The following LIMA1 variants were observed in gnomAD, a reference collection of about 807,000 sequenced individuals.
LIMA1 encodes LIM domain and actin-binding protein 1.
In LIMA1, 52 loss-of-function variants were observed where a neutral mutation model predicts 62.6. The observed-to-expected ratio is 0.83, with a 90% CI of 0.67 to 1.05. LIMA1 has a LOEUF of 1.05. Among genes scored for constraint, LIMA1 ranks in the 50% least tolerant of loss-of-function variants. The probability of loss-of-function intolerance (pLI) is 0.00; values close to 1 mark genes in which losing one functional copy is unlikely to be tolerated. For synonymous variants in LIMA1, 302 were observed against 317.8 expected, an observed-to-expected ratio of 0.95 and a Z score of 0.53; for missense variants, 780 against 902.2, an observed-to-expected ratio of 0.86 and a Z score of 1.74.
chr12:50,213,335 G>A (rs577740859), intron 4 of LIMA1, among the ~76,000 whole-genome samples: 8 of 152,322 alleles, frequency 5.3e-5, no homozygotes, highest in Non-Finnish European at 1.0e-4. Context: ...AGGGCCCATT[G>A]TTTCTATCCA....
rs1941119916 is a variant in LIMA1, at chr12:50,204,690, T to C, written c.726A>G (p.Ser242=). 2 of 1,614,138 alleles carry C rather than the reference T, an allele frequency of 1.2e-6. No individual in the cohort carries two copies. The highest frequency in any genetic ancestry group is 1.7e-6 in the Non-Finnish European group (2 of 1,180,004). Residue 242 remains serine, a synonymous_variant, in exon 6 of 11, where the codon TCA becomes TCG. Transcript: ENST00000341247. ...TTTTCTCCGAGTCAAATGTAGAAGA[T>C]GACAACTGACCTGGAAGCATCCAAA... ...DDLEIGPGQL[S]SSTFDSEKNE...
intron 1 of LIMA1, among the ~76,000 whole-genome samples, chr12:50,269,527 ACT>A (rs571405139): frequency 8.3e-4 from 127 of 152,314 alleles, no homozygotes; most frequent in African/African-American, 2.8e-3. Context: ...TATCTGAGAA[ACT>A]GATGGTTACT....
At chr12:50,252,442 G>A (rs569006818) in intron 1 of LIMA1, among the ~76,000 whole-genome samples, 11 of 152,120 alleles carry the variant, frequency 7.2e-5, no homozygotes, top group African/African-American at 1.9e-4. Context: ...TTAGCTGGGC[G>A]TGGTGGCACG....
intron 4 of LIMA1, among the ~76,000 whole-genome samples, chr12:50,208,856 C>T (rs1941201226): frequency 1.3e-5 from 2 of 151,832 alleles, no homozygotes; most frequent in Admixed American, 1.3e-4. Flanking sequence ...AAAAAGAATA[C>T]AGTGAGCCGT....
intron 1 of LIMA1, among the ~76,000 whole-genome samples, chr12:50,282,155 A>G (rs1254655238): frequency 1.3e-5 from 2 of 152,156 alleles, no homozygotes; most frequent in Non-Finnish European, 2.9e-5. Flanking sequence ...TTGAAGATCT[A>G]TCTAAAACGT....
intron 3 of LIMA1, among the ~76,000 whole-genome samples, chr12:50,228,211 A>C (rs114817755): frequency 0.01 from 1,595 of 152,208 alleles, 24 homozygotes; most frequent in African/African-American, 0.035. Context: ...AATTCTAAAC[A>C]GTCCCTTTGG....
At chr12:50,199,355 T>C (rs922931805) in intron 7 of LIMA1, among the ~76,000 whole-genome samples, 8 of 152,088 alleles carry the variant, frequency 5.3e-5, no homozygotes, top group Non-Finnish European at 1.2e-4. Context: ...ATCCCTGTAA[T>C]TCCTCAGCCA....
chr12:50,223,118 A>C lies in LIMA1; in HGVS notation c.166-633T>G, dbSNP rs1941475174. Among the ~76,000 whole-genome samples, 3 of 152,138 alleles carry C rather than the reference A, an allele frequency of 2.0e-5. No individual in the cohort carries two copies. The South Asian group carries it at 6.2e-4, about 31-fold the overall frequency. On this transcript the variant is annotated intron_variant, in intron 3 of 10. Transcript: ENST00000341247. ...AATTTACATGCATATGAGCAGTCAA[A>C]TTTTATTTTTCATAAGAATTTAATC...
intron 9 of LIMA1, among the ~76,000 whole-genome samples, chr12:50,183,830 A>AC (rs1436681431): frequency 2.0e-5 from 3 of 151,252 alleles, no homozygotes; most frequent in African/African-American, 7.3e-5. Flanking sequence ...AAAAAAAAAA[A>AC]AAAACCCAAA....
At chr12:50,193,992 TATATA>T (rs772482812) in intron 8 of LIMA1, among the ~76,000 whole-genome samples, 3 of 132,718 alleles carry the variant, frequency 2.3e-5, no homozygotes, top group Admixed American at 7.9e-5. Context: ...TATATATATA[TATATA>T]TTTTTTTTGA....
chr12:50,227,237 C>CTTTTTTTTTTTTTTTTTTT (rs199650468), intron 3 of LIMA1, among the ~76,000 whole-genome samples: 7 of 124,010 alleles, frequency 5.6e-5, no homozygotes, highest in South Asian at 2.6e-4. Context: ...TTTTTCTTTT[C>CTTTTTTTTTTTTTTTTTTT]TTTTTTTTTT....
rs1940382192 is a variant in LIMA1, at chr12:50,177,670, A to T, written c.1674T>A (p.Pro558=). ...CTTCGGGCTTGCTGATTTCGTCTTCAGGAGGCCATTTGGGCTTTGACATTT... is the reference window on the plus strand; with the variant it reads ...CTTCGGGCTTGCTGATTTCGTCTTCTGGAGGCCATTTGGGCTTTGACATTT... ...GIKMSKPKWP[P]EDEISKPEVP... is the part of the protein sequence containing the mutation. Residue 558 remains proline, a synonymous_variant, in exon 11 of 11, where the codon CCT becomes CCA. Transcript: ENST00000341247. 3 of 1,608,918 alleles carry T rather than the reference A, an allele frequency of 1.9e-6. No homozygotes were observed. The highest frequency in any genetic ancestry group is 1.7e-4 in the Middle Eastern group (1 of 6,042).
chr12:50,278,091 C>T lies in LIMA1; in HGVS notation c.-24+5329G>A, dbSNP rs1366559009. ...AGGGGCTTGAGGTCAGCCTGATCAACAGGGTGAAACCCTGTCTCTACTAAA... is the reference window on the plus strand; with the variant it reads ...AGGGGCTTGAGGTCAGCCTGATCAATAGGGTGAAACCCTGTCTCTACTAAA... On this transcript the variant is annotated intron_variant, in intron 1 of 10. Transcript: ENST00000341247. Among the ~76,000 whole-genome samples, 5 of 152,064 alleles carry T rather than the reference C, an allele frequency of 3.3e-5. No individual in the cohort carries two copies. The East Asian group carries it at 9.7e-4, about 29-fold the overall frequency.
intron 1 of LIMA1, among the ~76,000 whole-genome samples, chr12:50,278,287 T>C (rs1438412148): frequency 6.6e-6 from 1 of 150,940 alleles, no homozygotes; most frequent in Non-Finnish European, 1.5e-5. Flanking sequence ...CCAGGTGTGG[T>C]GGCGGGCACC....
chr12:50,261,633 T>C (rs1439118048), intron 1 of LIMA1, among the ~76,000 whole-genome samples: 1 of 152,142 alleles, frequency 6.6e-6, no homozygotes, highest in African/African-American at 2.4e-5. Context: ...TCCCTATAAG[T>C]TCTCAAAGTA....
chr12:50,258,300 TTG>T (rs35111001), intron 1 of LIMA1, among the ~76,000 whole-genome samples: 55,187 of 149,924 alleles, frequency 0.37, 10,707 homozygotes, highest in African/African-American at 0.49. Context: ...ACACTGCTTT[TTG>T]TGTGTGTGTG....
Position 50,222,358 on chromosome 12 carries a change from C to G in LIMA1, c.293G>C (p.Arg98Thr), listed in dbSNP as rs779269873. ...DSLRNSSTEI[R>T]HRADHPPAEV... ...AGCAGGAGGATGGTCTGCTCTGTGCCTAATCTCAGTGCTGCTGTTCCGTAG... is the reference window on the plus strand; with the variant it reads ...AGCAGGAGGATGGTCTGCTCTGTGCGTAATCTCAGTGCTGCTGTTCCGTAG... The change falls in exon 4 of 11, where the codon AGG (arginine) becomes ACG (threonine). Residue 98 changes from arginine (R) to threonine (T), a missense_variant. Arg to Thr is a moderately conservative substitution (Grantham distance 71, BLOSUM62 -1). Coordinates refer to ENST00000341247, the MANE Select transcript of LIMA1 (RefSeq NM_016357.5). 6.0e-5 allele frequency: 97 copies of G among 1,614,138 alleles called. No homozygotes were observed. The Middle Eastern group carries it at 4.8e-3, about 80-fold the overall frequency.
intron 1 of LIMA1, among the ~76,000 whole-genome samples, chr12:50,280,248 G>A (rs1307604450): frequency 1.5e-5 from 2 of 136,246 alleles, no homozygotes; most frequent in African/African-American, 2.7e-5. Flanking sequence ...TCCGCCTCCC[G>A]GGTTCACGCC....
chr12:50,272,967 G>A (rs571695602), intron 1 of LIMA1, among the ~76,000 whole-genome samples: 14 of 150,132 alleles, frequency 9.3e-5, no homozygotes, highest in East Asian at 8.0e-4. Flanking sequence ...GGAGAATGGC[G>A]TGAACCCAGG....
Sources: allele counts gnomAD v4.1 joint callset (sites outside exome capture counted in the v4.1 genomes callset), GRCh38; gene constraint gnomAD v4.1.1; transcripts MANE v1.5; gene names NCBI Gene and HGNC (gene_info 2026-07-23, HGNC 2026-07-21).